A4GALT: variants seen among roughly 807,000 people sequenced by gnomAD.
A4GALT encodes lactosylceramide 4-alpha-galactosyltransferase.
For synonymous variants in A4GALT, 257 were observed against 220.7 expected, an observed-to-expected ratio of 1.16 and a Z score of -1.46; for missense variants, 512 against 486.0, an observed-to-expected ratio of 1.05 and a Z score of -0.50.
In A4GALT at chr22:42,693,017, T is replaced by C. The variant is rs1179974417; in HGVS notation, c.935A>G (p.Tyr312Cys). 2 of 1,613,686 alleles carry C rather than the reference T, an allele frequency of 1.2e-6. No individual in the cohort carries two copies. The highest frequency in any genetic ancestry group is 1.3e-5 in the African/African-American group (1 of 75,050). The stretch of plus-strand genomic sequence containing the variant: ...CTTCTTGTTCCACACGTGGACAGCA[T>C]AGGTGGCACTGAGCAGCCGCGGCAG... The part of the protein sequence containing the change: ...EELPRLLSAT[Y>C]AVHVWNKKSQ... The change falls in exon 3 of 3, where the codon TAT (tyrosine) becomes TGT (cysteine). Residue 312 changes from tyrosine to cysteine, a missense_variant. By Grantham distance (194) the Tyr-to-Cys change is radical. Coordinates refer to ENST00000642412, the MANE Select transcript of A4GALT (RefSeq NM_017436.7).
chr22:42,704,517 A>T (rs901985919), intron 1 of A4GALT, among the ~76,000 whole-genome samples: 21 of 148,598 alleles, frequency 1.4e-4, no homozygotes, highest in Admixed American at 3.4e-4. Context: ...AAAAAAAATT[A>T]AAAAAAAAAG....
rs114658793 is a variant in A4GALT at position 42,709,679 on chromosome 22, A to G, written c.-188+11118T>C. Among the ~76,000 whole-genome samples the G allele has an allele frequency of 3.6e-3, 554 of 152,206 alleles. 3 individuals carry two copies. Among genetic ancestry groups the G allele is most frequent in the African/African-American group, 0.013 (528 of 41,542 alleles). Reference sequence around the variant, plus strand: ...GTGGGGCACAACTGTAATCCCAGCTACTTAGGAGGCTGAGATACGAGAATC... The same window carrying G: ...GTGGGGCACAACTGTAATCCCAGCTGCTTAGGAGGCTGAGATACGAGAATC... On this transcript the variant is annotated intron_variant, in intron 1 of 2. Transcript: ENST00000642412.
chr22:42,703,619 G>C (rs12167417), intron 1 of A4GALT, among the ~76,000 whole-genome samples: 4,616 of 152,214 alleles, frequency 0.03, 216 homozygotes, highest in African/African-American at 0.1. Flanking sequence ...GGCCCACTCA[G>C]CAGTGATGTC....
intron 1 of A4GALT, among the ~76,000 whole-genome samples, chr22:42,702,368 T>A (rs900579509): frequency 2.1e-5 from 3 of 143,668 alleles, no homozygotes; most frequent in African/African-American, 7.9e-5. Context: ...ACAGATGGAG[T>A]CTTGCTCTGT....
At chr22:42,715,696 A>T (rs1233427924) in intron 1 of A4GALT, among the ~76,000 whole-genome samples, 1 of 152,152 alleles carries the variant, frequency 6.6e-6, no homozygotes, top group Non-Finnish European at 1.5e-5. Flanking sequence ...CCTAGACAAC[A>T]GAGCAAGAAC....
At chr22:42,697,900 T>C (rs545150113) in intron 1 of A4GALT, among the ~76,000 whole-genome samples, 1 of 152,122 alleles carries the variant, frequency 6.6e-6, no homozygotes, top group South Asian at 2.1e-4. Context: ...CTTCCATGGC[T>C]CCCATCGCCA....
chr22:42,709,344 C>A (rs66463954), intron 1 of A4GALT, among the ~76,000 whole-genome samples: 46,684 of 111,774 alleles, frequency 0.42, 8,969 homozygotes, highest in South Asian at 0.54. Context: ...TGTGCCAGGC[C>A]AAAAAAAAAA....
At chr22:42,714,630 G>A (rs1411130964) in intron 1 of A4GALT, among the ~76,000 whole-genome samples, 1 of 151,950 alleles carries the variant, frequency 6.6e-6, no homozygotes, top group African/African-American at 2.4e-5. Flanking sequence ...ACAAAAATTA[G>A]CCAGGCATGG....
rs771365628 is a variant in A4GALT at position 42,692,888 on chromosome 22, C to A, written c.*2G>T. ...GGTTGGGGAGGTGACCTGGCGGGCCCCTCACAAGTACATTTTCATGGCCTC... is the reference window on the plus strand; with the variant it reads ...GGTTGGGGAGGTGACCTGGCGGGCCACTCACAAGTACATTTTCATGGCCTC... On this transcript the variant is annotated 3_prime_UTR_variant, in exon 3 of 3. Coordinates refer to ENST00000642412, the MANE Select transcript of A4GALT (RefSeq NM_017436.7). This position sits in a 1 kb window ranked among gnomAD's most constrained non-coding sequence, Gnocchi z 4.6. 2 of 1,600,506 alleles carry A rather than the reference C, an allele frequency of 1.2e-6. No homozygotes were observed. Among genetic ancestry groups the A allele is most frequent in the South Asian group, 1.1e-5 (1 of 91,044 alleles).
intron 1 of A4GALT, among the ~76,000 whole-genome samples, chr22:42,709,945 C>A (rs1021256903): frequency 6.6e-6 from 1 of 152,064 alleles, no homozygotes; most frequent in South Asian, 2.1e-4. Flanking sequence ...CCCAGTGACA[C>A]CAAAAAACAT....
rs1715891873 is a variant in A4GALT at position 42,693,771 on chromosome 22, A to G, written c.181T>C (p.Cys61Arg). 6.3e-7 allele frequency: 1 copy of G among 1,599,688 alleles called. No homozygotes were observed. Among genetic ancestry groups the G allele is most frequent in the African/African-American group, 1.3e-5 (1 of 74,614 alleles). The change falls in exon 3 of 3, where the codon TGC becomes CGC. Residue 61 changes from cysteine to arginine, a missense_variant. Cys to Arg is a radical substitution (Grantham distance 180, BLOSUM62 -3). Coordinates refer to ENST00000642412, the MANE Select transcript of A4GALT (RefSeq NM_017436.7). ...QLYNLPAEIP[C>R]PTLTPPTPPS... is the part of the protein sequence containing the mutation. ...GGGGTGGGGGGTGTCAAGGTGGGGC[A>G]GGGGATCTCTGCTGGCAGGTTATAG...
At chr22:42,708,364 G>A (rs1013404999) in intron 1 of A4GALT, among the ~76,000 whole-genome samples, 18 of 151,788 alleles carry the variant, frequency 1.2e-4, no homozygotes, top group Non-Finnish European at 5.9e-5. Context: ...GGCAACAAAA[G>A]CGAAACTCCC....
chr22:42,714,306 A>AAAAC (rs1569067753), intron 1 of A4GALT, among the ~76,000 whole-genome samples: 101 of 145,542 alleles, frequency 6.9e-4, no homozygotes, highest in African/African-American at 2.6e-3. Flanking sequence ...AAAAAAAAAA[A>AAAAC]GGCAGGAATG....
chr22:42,706,130 C>T lies in A4GALT; in HGVS notation c.-187-10499G>A, dbSNP rs866156670. ...CAGCACTTTGGGAGGCCAAGGCGGG[C>T]GGATCACGAGGTCAGGAGATCGAGA... On this transcript the variant is annotated intron_variant, in intron 1 of 2. Transcript: ENST00000642412. 1.2e-3 allele frequency among the ~76,000 whole-genome samples: 114 copies of T among 92,018 alleles called. 31 individuals carry two copies. The highest frequency in any genetic ancestry group is 0.015 in the Middle Eastern group (2 of 130). The allele number at this position is 92,018 out of a possible 152,430, so 60.4% of individuals were successfully genotyped here. A position where few individuals can be genotyped will look rare whatever the true frequency, so the allele number is the denominator to read the frequency against.
chr22:42,697,020 G>C (rs537023385), intron 1 of A4GALT, among the ~76,000 whole-genome samples: 1 of 150,692 alleles, frequency 6.6e-6, no homozygotes, highest in Non-Finnish European at 1.5e-5. Context: ...TCTAACACAC[G>C]GTACATCCTA....
At chr22:42,712,192 C>A (rs1292324078) in intron 1 of A4GALT, among the ~76,000 whole-genome samples, 1 of 152,208 alleles carries the variant, frequency 6.6e-6, no homozygotes, top group African/African-American at 2.4e-5. Context: ...CACTCTAGCT[C>A]CCCACAGGAA....
intron 1 of A4GALT, among the ~76,000 whole-genome samples, chr22:42,708,545 A>AAGGAAGGAAG (rs1555887808): frequency 8.6e-6 from 1 of 116,498 alleles, no homozygotes. Context: ...GAGGAAAGAG[A>AAGGAAGGAAG]GAAGGAAGGA....
At chr22:42,719,276 A>T (rs1043739805) in intron 1 of A4GALT, among the ~76,000 whole-genome samples, 2 of 152,226 alleles carry the variant, frequency 1.3e-5, no homozygotes, top group African/African-American at 4.8e-5. Context: ...ACAGGCACCC[A>T]AGGCATTAGA....
chr22:42,715,675 G>C lies in A4GALT; in HGVS notation c.-188+5122C>G, dbSNP rs1351461443. On this transcript the variant is annotated intron_variant, in intron 1 of 2. Coordinates refer to ENST00000642412, the MANE Select transcript of A4GALT (RefSeq NM_017436.7). Reference sequence around the variant, plus strand: ...GCTGTAGTGAGCCATGATTGCACCAGTGCACTCCAGCCTAGACAACAGAGC... The same window carrying C: ...GCTGTAGTGAGCCATGATTGCACCACTGCACTCCAGCCTAGACAACAGAGC... Among the ~76,000 whole-genome samples the C allele has an allele frequency of 2.0e-5, 3 of 152,008 alleles. No homozygotes were observed. In the East Asian group the frequency reaches 5.8e-4, roughly 30 times the overall value.
Sources: allele counts gnomAD v4.1 joint callset (sites outside exome capture counted in the v4.1 genomes callset), GRCh38; gene constraint gnomAD v4.1.1; non-coding constraint Gnocchi (gnomAD v3.1); transcripts MANE v1.5; gene names NCBI Gene and HGNC (gene_info 2026-07-23, HGNC 2026-07-21).